THSD4: variants seen among roughly 807,000 people sequenced by gnomAD.
THSD4 encodes thrombospondin type 1 domain containing 4.
THSD4 carries 69 observed loss-of-function variants against 119.0 expected under a neutral mutation model. The ratio of observed to expected loss-of-function variants is 0.58; its 90% CI spans 0.48 to 0.71. THSD4 has a LOEUF of 0.71. Ranked by LOEUF, THSD4 falls within the 30% of genes least tolerant of loss-of-function variation. The pLI is 0.00. For missense variants in THSD4, 1,393 were observed against 1,391.1 expected (o/e 1.00, Z -0.02); for synonymous variants, 524 against 540.4 (o/e 0.97, Z 0.42).
chr15:71,271,951 T>G (rs2044535665), intron 6 of THSD4, among the ~76,000 whole-genome samples: 1 of 152,036 alleles, frequency 6.6e-6, no homozygotes, highest in South Asian at 2.1e-4. Context: ...TATATCAAAC[T>G]AAAAAGCTTC....
chr15:71,404,919 C>T (rs946304801), intron 6 of THSD4, among the ~76,000 whole-genome samples: 1 of 148,040 alleles, frequency 6.8e-6, no homozygotes, highest in Non-Finnish European at 1.5e-5. Flanking sequence ...GACAGAGTCT[C>T]TCTCTGTCAC....
intron 7 of THSD4, among the ~76,000 whole-genome samples, chr15:71,621,780 C>T (rs1409459530): frequency 2.0e-5 from 3 of 152,130 alleles, no homozygotes; most frequent in Non-Finnish European, 4.4e-5. Flanking sequence ...TTCACTTGTG[C>T]TCTAGATAAA....
At chr15:71,165,143 G>A in intron 3 of THSD4, 1 of 1,604,748 alleles carries the variant, frequency 6.2e-7, no homozygotes, top group Admixed American at 1.7e-5. Flanking sequence ...GGGTGCATTG[G>A]GATCCTTGAA....
chr15:71,229,587 A>G (rs1202452933), intron 4 of THSD4, among the ~76,000 whole-genome samples: 3 of 152,224 alleles, frequency 2.0e-5, no homozygotes, highest in Non-Finnish European at 4.4e-5. Flanking sequence ...TGCATGTTCA[A>G]TATTGAGGCA....
intron 7 of THSD4, among the ~76,000 whole-genome samples, chr15:71,549,430 T>C (rs1240056758): frequency 6.6e-6 from 1 of 152,192 alleles, no homozygotes; most frequent in Non-Finnish European, 1.5e-5. Flanking sequence ...CCTAGGAAAT[T>C]ATACAATTAG....
rs56201476 is a variant in THSD4 at position 71,711,083 on chromosome 15, G to GTATA, written c.1358-17457_1358-17454dup. Among the ~76,000 whole-genome samples, 333 of 128,180 alleles carry GTATA rather than the reference G, an allele frequency of 2.6e-3. 1 individual carries two copies. The highest frequency in any genetic ancestry group is 0.011 in the African/African-American group (290 of 27,080). The allele number at this position is 128,180 out of a possible 152,430, so 84.1% of individuals were successfully genotyped here. A position where few individuals can be genotyped will look rare whatever the true frequency, so the allele number is the denominator to read the frequency against. ...ATTATTGAAAGCAAAATATATATAT[G>GTATA]TATATATATATACATATATATATAT... is the stretch of plus-strand genomic sequence containing the variant. On this transcript the variant is annotated intron_variant, in intron 8 of 17. Coordinates refer to ENST00000261862, the MANE Select transcript of THSD4 (RefSeq NM_024817.3).
intron 6 of THSD4, among the ~76,000 whole-genome samples, chr15:71,307,380 A>T (rs2045045022): frequency 6.6e-6 from 1 of 152,186 alleles, no homozygotes; most frequent in South Asian, 2.1e-4. Context: ...AGTACATTGG[A>T]TGTGCCAGCA....
At chr15:71,173,567 C>CACATATATAT (rs1022713970) in intron 3 of THSD4, among the ~76,000 whole-genome samples, 5 of 145,958 alleles carry the variant, frequency 3.4e-5, no homozygotes, top group African/African-American at 1.3e-4. Flanking sequence ...CACACACACA[C>CACATATATAT]ATATATATAT....
intron 1 of THSD4, among the ~76,000 whole-genome samples, chr15:71,140,728 C>T (rs766445300): frequency 6.6e-6 from 1 of 152,144 alleles, no homozygotes; most frequent in Non-Finnish European, 1.5e-5. Flanking sequence ...ATTTCCCATA[C>T]GTTTCACAAT....
intron 7 of THSD4, among the ~76,000 whole-genome samples, chr15:71,577,912 G>T (rs2049484568): frequency 6.7e-6 from 1 of 150,320 alleles, no homozygotes; most frequent in Non-Finnish European, 1.5e-5. Context: ...TAGTAGAGGT[G>T]GGATTTCACC....
chr15:71,651,533 C>T (rs1233734840), intron 7 of THSD4, among the ~76,000 whole-genome samples: 2 of 152,160 alleles, frequency 1.3e-5, no homozygotes, highest in East Asian at 3.8e-4. Context: ...CTGGAGATGG[C>T]CCAATGATAG....
At position 71,215,118 on chromosome 15, in the gene THSD4, C is replaced by T. The variant is rs150014427; in HGVS notation, c.183C>T (p.Pro61=). ...GAPGVWGAWG[P]WSACSRSCSG... The stretch of plus-strand genomic sequence containing the variant: ...CGGGAGTGTGGGGCGCCTGGGGCCC[C>T]TGGTCGGCCTGCTCGCGTAGCTGCA... Residue 61 remains proline (P), a synonymous_variant, in exon 4 of 18, where the codon CCC becomes CCT. Transcript: ENST00000261862. 2.7e-3 allele frequency: 3,656 copies of T among 1,355,872 alleles called. 73 individuals are homozygous for T. The African/African-American group carries it at 0.049, about 18-fold the overall frequency. The allele number at this position is 1,355,872 out of a possible 1,614,324, so 84.0% of individuals were successfully genotyped here. A position where few individuals can be genotyped will look rare whatever the true frequency, so the allele number is the denominator to read the frequency against.
intron 3 of THSD4, among the ~76,000 whole-genome samples, chr15:71,199,608 GTGTGGTGTGT>G (rs1358785733): frequency 2.0e-4 from 30 of 147,308 alleles, no homozygotes; most frequent in African/African-American, 7.3e-4. Flanking sequence ...TGTATGGTGT[GTGTGGTGTGT>G]GGGTGTGTGG....
intron 7 of THSD4, among the ~76,000 whole-genome samples, chr15:71,507,070 T>G (rs920466879): frequency 6.6e-6 from 1 of 152,130 alleles, no homozygotes; most frequent in African/African-American, 2.4e-5. Flanking sequence ...TTTTTAGATG[T>G]GTATTAGGCA....
chr15:71,593,206 C>T lies in THSD4; in HGVS notation c.1153-67324C>T, dbSNP rs1182567263. ...TTGGGAGGCCGAGGCGGGCGGATCACGAGGTCAGGAGATCGAGACCATCCC... is the reference window on the plus strand; with the variant it reads ...TTGGGAGGCCGAGGCGGGCGGATCATGAGGTCAGGAGATCGAGACCATCCC... On this transcript the variant is annotated intron_variant, in intron 7 of 17. Coordinates refer to ENST00000261862, the MANE Select transcript of THSD4 (RefSeq NM_024817.3). 4.7e-3 allele frequency among the ~76,000 whole-genome samples: 29 copies of T among 6,108 alleles called. 13 individuals are homozygous for T. In the South Asian group the frequency reaches 0.25, roughly 54 times the overall value. The allele number at this position is 6,108 out of a possible 152,430, so 4.0% of individuals were successfully genotyped here. A position where few individuals can be genotyped will look rare whatever the true frequency, so the allele number is the denominator to read the frequency against.
intron 4 of THSD4, among the ~76,000 whole-genome samples, chr15:71,223,505 A>G (rs1360488680): frequency 2.6e-5 from 4 of 152,238 alleles, no homozygotes; most frequent in East Asian, 1.9e-4. Context: ...CAAAGTCTTC[A>G]TTCACATACT....
At chr15:71,322,207 C>G (rs371756917) in intron 6 of THSD4, among the ~76,000 whole-genome samples, 1 of 152,026 alleles carries the variant, frequency 6.6e-6, no homozygotes, top group South Asian at 2.1e-4. Context: ...TGATTTGTAC[C>G]TGCTGACTTG....
At chr15:71,123,548 A>G (rs968686592) in intron 1 of THSD4, among the ~76,000 whole-genome samples, 23 of 152,228 alleles carry the variant, frequency 1.5e-4, no homozygotes, top group Non-Finnish European at 1.3e-4. Context: ...AAGAAGGTGT[A>G]TTCTTGCCTG....
chr15:71,186,340 G>C (rs1456985453), intron 3 of THSD4: 3 of 152,198 alleles, frequency 2.0e-5, no homozygotes, highest in Non-Finnish European at 4.4e-5. Context: ...TACACAACCT[G>C]GTCCTGCCCA....
Sources: allele counts gnomAD v4.1 joint callset (sites outside exome capture counted in the v4.1 genomes callset), GRCh38; gene constraint gnomAD v4.1.1; transcripts MANE v1.5; gene names NCBI Gene and HGNC (gene_info 2026-07-23, HGNC 2026-07-21).